Variants in TMEM178A observed in about 807,000 individuals in gnomAD.
The protein encoded by TMEM178A is transmembrane protein 178.
TMEM178A carries 12 observed loss-of-function variants against 29.1 expected under a neutral mutation model. The ratio of observed to expected loss-of-function variants is 0.41; its 90% CI spans 0.26 to 0.67. The LOEUF (loss-of-function observed/expected upper bound fraction) is 0.67. TMEM178A is among the 30% of genes least tolerant of loss of function. TMEM178A has a pLI of 0.29. For missense variants in TMEM178A, 366 were observed against 419.1 expected, an observed-to-expected ratio of 0.87 and a Z score of 1.11; for synonymous variants, 210 against 187.2, an observed-to-expected ratio of 1.12 and a Z score of -0.99.
At chr2:39,735,366 G>A in the TMEM178A span, among the ~76,000 whole-genome samples, 1 of 152,140 alleles carries the variant, frequency 6.6e-6, no homozygotes, top group Admixed American at 6.5e-5. Context: ...AAGGAATAAG[G>A]ACTACAGAAA....
chr2:39,715,885 G>T (rs1008928441), intron 3 of TMEM178A, among the ~76,000 whole-genome samples: 2 of 152,158 alleles, frequency 1.3e-5, no homozygotes, highest in Non-Finnish European at 2.9e-5. Context: ...GTTAAAAAAG[G>T]GTGGTGGGTA....
chr2:39,678,061 A>G (rs1670704908), intron 1 of TMEM178A, among the ~76,000 whole-genome samples: 2 of 152,194 alleles, frequency 1.3e-5, no homozygotes, highest in Admixed American at 6.5e-5. Context: ...TATTTGGTGG[A>G]TCTTCAGGGA....
At chr2:39,686,323 G>T (rs1671074184) in intron 1 of TMEM178A, among the ~76,000 whole-genome samples, 3 of 152,178 alleles carry the variant, frequency 2.0e-5, no homozygotes, top group South Asian at 4.1e-4. Context: ...TCAAACAAAG[G>T]CACAACAGAA....
chr2:39,677,245 C>T (rs1393603159), intron 1 of TMEM178A, among the ~76,000 whole-genome samples: 1 of 152,124 alleles, frequency 6.6e-6, no homozygotes, highest in Non-Finnish European at 1.5e-5. Flanking sequence ...ACCCCCACTC[C>T]TCAAACCAGG....
intron 3 of TMEM178A, 47 bp from the exon 4 acceptor site, chr2:39,716,963 C>A: frequency 6.4e-7 from 1 of 1,573,386 alleles, no homozygotes; most frequent in Non-Finnish European, 8.7e-7. Flanking sequence ...TGTCTTGTAA[C>A]AGGCAAACTG....
At chr2:39,673,293 A>G (rs1453296985) in intron 1 of TMEM178A, among the ~76,000 whole-genome samples, 2 of 152,232 alleles carry the variant, frequency 1.3e-5, no homozygotes, top group Non-Finnish European at 1.5e-5. Context: ...AGCTGATTGC[A>G]GACCCAACAG....
the TMEM178A span, among the ~76,000 whole-genome samples, chr2:39,729,501 T>A: frequency 2.6e-5 from 4 of 152,244 alleles, no homozygotes; most frequent in African/African-American, 9.6e-5. Flanking sequence ...ATGTACCCTT[T>A]GGATGCCCAA....
At position 39,666,062 on chromosome 2, in the gene TMEM178A, C is replaced by CACTG. The variant is rs758160308; in HGVS notation, c.89_92dup (p.Trp31Ter). 1.3e-6 allele frequency: 2 copies of CACTG among 1,565,330 alleles called. No individual in the cohort carries two copies. Among genetic ancestry groups the CACTG allele is most frequent in the Admixed American group, 3.7e-5 (2 of 53,962 alleles). On this transcript the variant is annotated stop_gained and frameshift_variant, in exon 1 of 4. Coordinates refer to ENST00000281961, the MANE Select transcript of TMEM178A (RefSeq NM_152390.3). LOFTEE classifies it high-confidence loss of function. The stretch of plus-strand genomic sequence containing the variant: ...GCTCGTCACGGCCATCTTCACCGAC[C>CACTG]ACTGGTACGAGACCGACCCCCGGCG...
At chr2:39,693,096 A>G (rs1671391393) in intron 1 of TMEM178A, among the ~76,000 whole-genome samples, 1 of 152,204 alleles carries the variant, frequency 6.6e-6, no homozygotes, top group African/African-American at 2.4e-5. Flanking sequence ...CCTGGGCAAT[A>G]GAGCGAGACT....
intron 1 of TMEM178A, among the ~76,000 whole-genome samples, chr2:39,694,245 T>C (rs1355875828): frequency 6.6e-6 from 1 of 151,998 alleles, no homozygotes; most frequent in Admixed American, 6.6e-5. Context: ...TTGAGATAGA[T>C]GAACTGTCAT....
chr2:39,684,889 C>A (rs549045404), intron 1 of TMEM178A, among the ~76,000 whole-genome samples: 2 of 152,272 alleles, frequency 1.3e-5, no homozygotes, highest in Admixed American at 6.5e-5. Context: ...CCCAGTGCCA[C>A]CCACACGTGC....
chr2:39,721,985 CAAAAAAAAAA>C (rs57605942), downstream of TMEM178A, among the ~76,000 whole-genome samples: 1 of 40,092 alleles, frequency 2.5e-5, no homozygotes, highest in Non-Finnish European at 4.2e-5. Context: ...AGACCAGTCT[CAAAAAAAAAA>C]AAAAAAAAAA....
chr2:39,686,950 T>C (rs1181812007), intron 1 of TMEM178A, among the ~76,000 whole-genome samples: 1 of 148,800 alleles, frequency 6.7e-6, no homozygotes, highest in Non-Finnish European at 1.5e-5. Context: ...GCAGAGTATA[T>C]GTGCACATAT....
At position 39,711,230 on chromosome 2, in the gene TMEM178A, A is replaced by G. The variant is rs1339237652; in HGVS notation, c.652+4044A>G. The stretch of plus-strand genomic sequence containing the variant: ...TACTAGACTATACTGCTTTCAGTGT[A>G]CTGTGAATGAATATTTCCACCTACA... On this transcript the variant is annotated intron_variant, in intron 3 of 3. Transcript: ENST00000281961. Among the ~76,000 whole-genome samples, 5 of 152,246 alleles carry G rather than the reference A, an allele frequency of 3.3e-5. No individual in the cohort carries two copies. In the East Asian group the frequency reaches 9.6e-4, roughly 29 times the overall value.
At chr2:39,692,307 T>C (rs1490157609) in intron 1 of TMEM178A, among the ~76,000 whole-genome samples, 2 of 152,164 alleles carry the variant, frequency 1.3e-5, no homozygotes, top group East Asian at 3.8e-4. Context: ...GCTAAGAGGG[T>C]ACAACTTAAG....
chr2:39,675,143 A>G (rs1338825442), intron 1 of TMEM178A, among the ~76,000 whole-genome samples: 1 of 152,154 alleles, frequency 6.6e-6, no homozygotes, highest in African/African-American at 2.4e-5. Flanking sequence ...ATGAGACAGA[A>G]TATATTGCTT....
chr2:39,724,766 A>G, the TMEM178A span, among the ~76,000 whole-genome samples: 1 of 152,194 alleles, frequency 6.6e-6, no homozygotes, highest in Non-Finnish European at 1.5e-5. Flanking sequence ...CAGAGCATTA[A>G]CCCAAGATCT....
intron 3 of TMEM178A, among the ~76,000 whole-genome samples, chr2:39,714,343 G>A (rs560158062): frequency 3.3e-5 from 5 of 151,568 alleles, no homozygotes; most frequent in South Asian, 2.1e-4. Flanking sequence ...AGTTTGATGC[G>A]TGCCCTGTTC....
At chr2:39,716,867 C>A in intron 3 of TMEM178A, 143 bp from the exon 4 acceptor site, 1 of 1,068,890 alleles carries the variant, frequency 9.4e-7, no homozygotes, top group South Asian at 1.6e-5. Context: ...TGAATTAATT[C>A]AAGTAAAATA....
Sources: allele counts gnomAD v4.1 joint callset (sites outside exome capture counted in the v4.1 genomes callset), GRCh38; gene constraint gnomAD v4.1.1; transcripts MANE v1.5; gene names NCBI Gene and HGNC (gene_info 2026-07-23, HGNC 2026-07-21).